Variants in CCDC92B observed in about 807,000 individuals in gnomAD.
CCDC92B encodes coiled-coil domain containing 92B, also known as coiled-coil domain-containing 92B.
CCDC92B carries 2 observed loss-of-function variants against 5.6 expected under a neutral mutation model. The observed-to-expected ratio is 0.36, with a 90% CI of 0.15 to 1.12. The LOEUF (loss-of-function observed/expected upper bound fraction) is 1.12, where lower values mean the gene tolerates loss of function less well. CCDC92B is among the 50% of genes most tolerant of loss of function. CCDC92B has a pLI of 0.40. For missense variants in CCDC92B, 271 were observed against 262.2 expected, an observed-to-expected ratio of 1.03 and a Z score of -0.23; for synonymous variants, 115 against 122.3, an observed-to-expected ratio of 0.94 and a Z score of 0.39.
At chr17:2,730,365 G>T in intron 3 of CCDC92B, 81 bp downstream of exon 3, 1 of 810,294 alleles carries the variant, frequency 1.2e-6, no homozygotes, top group Non-Finnish European at 1.5e-6. Flanking sequence ...GGACAGAGAA[G>T]GTTTGGGTCC....
intron 3 of CCDC92B, among the ~76,000 whole-genome samples, chr17:2,728,221 G>T (rs1004278938): frequency 1.3e-5 from 2 of 151,636 alleles, no homozygotes; most frequent in African/African-American, 4.8e-5. Context: ...GGTTGAGGTG[G>T]AAGGATCTCT....
chr17:2,743,672 T>G (rs771154839), intron 1 of CCDC92B, among the ~76,000 whole-genome samples: 1 of 152,136 alleles, frequency 6.6e-6, no homozygotes, highest in East Asian at 1.9e-4. Flanking sequence ...CTGTCCCCTC[T>G]GCCAGGAATG....
chr17:2,745,107 A>C (rs148089358), intron 1 of CCDC92B, among the ~76,000 whole-genome samples: 8 of 151,608 alleles, frequency 5.3e-5, no homozygotes, highest in African/African-American at 1.9e-4. Flanking sequence ...ATAAAAACAT[A>C]ATAATACACT....
chr17:2,744,358 T>A (rs2070962044), intron 1 of CCDC92B, among the ~76,000 whole-genome samples: 1 of 151,604 alleles, frequency 6.6e-6, no homozygotes, highest in Non-Finnish European at 1.5e-5. Context: ...TTTTTATTTT[T>A]ATTTTTGTTT....
rs963478643 is a variant in CCDC92B at position 2,724,808 on chromosome 17, G to A, written c.371C>T (p.Thr124Ile). The change falls in exon 4 of 4, where the codon ACC becomes ATC. Residue 124 changes from threonine to isoleucine, a missense_variant. By Grantham distance (89) the Thr-to-Ile change is moderately conservative. Transcript: ENST00000614400. The surrounding 1 kb of genome is among the most constrained non-coding windows in gnomAD (Gnocchi z 5.0). ...CTTCTGCAGCTCGGTGCCCAGCACG[G>A]TGGCGCGGTGGCTGCGGCGGCGCAG... is the stretch of plus-strand genomic sequence containing the variant. ...EELRRRSHRA[T>I]VLGTELQKHT... 1.0e-5 allele frequency: 10 copies of A among 984,744 alleles called. No homozygotes were observed. The highest frequency in any genetic ancestry group is 1.2e-5 in the Non-Finnish European group (10 of 829,762). The allele number at this position is 984,744 out of a possible 1,614,324, so 61.0% of individuals were successfully genotyped here.
intron 1 of CCDC92B, among the ~76,000 whole-genome samples, chr17:2,749,133 G>A (rs575362470): frequency 1.1e-3 from 167 of 152,336 alleles, no homozygotes; most frequent in African/African-American, 3.7e-3. Context: ...GCAGAGAGGA[G>A]GGCAAAGGCA....
intron 2 of CCDC92B, 104 bp downstream of exon 2, chr17:2,734,912 G>T (rs2070840733): frequency 3.5e-6 from 3 of 854,406 alleles, no homozygotes; most frequent in South Asian, 5.3e-5. Flanking sequence ...AATCGGTGCA[G>T]TGTGAGGCTC....
chr17:2,736,914 A>C (rs1473434498), intron 1 of CCDC92B, among the ~76,000 whole-genome samples: 1 of 148,320 alleles, frequency 6.7e-6, no homozygotes, highest in Non-Finnish European at 1.5e-5. Flanking sequence ...AAATAAATAA[A>C]ATACATACAT....
chr17:2,733,214 A>G (rs577069589), intron 2 of CCDC92B, among the ~76,000 whole-genome samples: 1 of 151,530 alleles, frequency 6.6e-6, no homozygotes, highest in East Asian at 1.9e-4. Context: ...GGCAAAACAG[A>G]AAGAAATGAC....
Position 2,724,399 on chromosome 17 carries a change from C to G in CCDC92B, c.*12G>C, listed in dbSNP as rs1169761814. ...CCCCGTCCGTCCCGCGTCACCCCGG[C>G]CAGCCTGGCGCCTACTCCGGGTCCC... is the stretch of plus-strand genomic sequence containing the variant. On this transcript the variant is annotated 3_prime_UTR_variant, in exon 4 of 4. Coordinates refer to ENST00000614400, the MANE Select transcript of CCDC92B (RefSeq NM_001355573.2). This position sits in a 1 kb window ranked among gnomAD's most constrained non-coding sequence, Gnocchi z 5.0. The G allele has an allele frequency of 7.1e-6, 7 of 984,848 alleles. No individual in the cohort carries two copies. Among genetic ancestry groups the G allele is most frequent in the Non-Finnish European group, 8.4e-6 (7 of 829,788 alleles). The allele number at this position is 984,848 out of a possible 1,614,324, so 61.0% of individuals were successfully genotyped here.
chr17:2,739,702 G>C (rs1357852507), intron 1 of CCDC92B, among the ~76,000 whole-genome samples: 1 of 152,072 alleles, frequency 6.6e-6, no homozygotes, highest in Non-Finnish European at 1.5e-5. Context: ...TAGATAGATA[G>C]ATAGGTGATA....
intron 1 of CCDC92B, 60 bp from the exon 2 acceptor site, chr17:2,735,228 C>A (rs778392633): frequency 1.0e-6 from 1 of 978,606 alleles, no homozygotes; most frequent in African/African-American, 1.8e-5. Context: ...GCCCCACCCT[C>A]AGCTCTTTCA....
At chr17:2,735,825 C>T (rs1220631259) in intron 1 of CCDC92B, among the ~76,000 whole-genome samples, 1 of 152,136 alleles carries the variant, frequency 6.6e-6, no homozygotes, top group East Asian at 1.9e-4. Flanking sequence ...CTAGCCTGCT[C>T]CTCCCGCCCT....
chr17:2,736,076 G>GCCAA (rs1460902611), intron 1 of CCDC92B, among the ~76,000 whole-genome samples: 3 of 152,306 alleles, frequency 2.0e-5, no homozygotes, highest in Admixed American at 6.5e-5. Context: ...AGGAAGATCT[G>GCCAA]GTGAATGTTT....
chr17:2,748,308 T>G lies in CCDC92B; in HGVS notation c.-24+1103A>C. 2.5e-6 allele frequency: 3 copies of G among 1,223,808 alleles called. 1 individual carries two copies. In the South Asian group the frequency reaches 3.8e-5, roughly 15 times the overall value. The allele number at this position is 1,223,808 out of a possible 1,614,324, so 75.8% of individuals were successfully genotyped here. ...CCTTGCTCTGATGTGACTTTTACCATGAAGCCATCCCTGATCCCCCACCAA... is the reference window on the plus strand; with the variant it reads ...CCTTGCTCTGATGTGACTTTTACCAGGAAGCCATCCCTGATCCCCCACCAA... On this transcript the variant is annotated intron_variant, in intron 1 of 3. Transcript: ENST00000614400.
At chr17:2,730,874 G>A (rs1183882670) in intron 2 of CCDC92B, among the ~76,000 whole-genome samples, 1 of 152,194 alleles carries the variant, frequency 6.6e-6, no homozygotes, top group Admixed American at 6.5e-5. Flanking sequence ...CAGTTCTGGA[G>A]GACCCTTGCC....
chr17:2,748,148 ATCT>A (rs529097713), intron 1 of CCDC92B: 250 of 533,374 alleles, frequency 4.7e-4, no homozygotes, highest in South Asian at 3.3e-3. Flanking sequence ...CTGCAGGCTG[ATCT>A]TCTTCTCTTT....
At chr17:2,736,298 G>A (rs1040653024) in intron 1 of CCDC92B, among the ~76,000 whole-genome samples, 21 of 152,032 alleles carry the variant, frequency 1.4e-4, no homozygotes, top group Admixed American at 9.9e-4. Flanking sequence ...TTGGTGGCAC[G>A]TGCTTGTAAT....
intron 3 of CCDC92B, among the ~76,000 whole-genome samples, chr17:2,728,341 C>G (rs1410716416): frequency 6.8e-6 from 1 of 146,374 alleles, no homozygotes; most frequent in East Asian, 2.0e-4. Context: ...GACGCGGTGG[C>G]TCATGCCTGT....
Sources: allele counts gnomAD v4.1 joint callset (sites outside exome capture counted in the v4.1 genomes callset), GRCh38; gene constraint gnomAD v4.1.1; non-coding constraint Gnocchi (gnomAD v3.1); transcripts MANE v1.5; gene names NCBI Gene and HGNC (gene_info 2026-07-23, HGNC 2026-07-21).